CACNA2D1: variants seen among roughly 807,000 people sequenced by gnomAD.
CACNA2D1 encodes the protein calcium voltage-gated channel auxiliary subunit alpha2delta 1, also known as voltage-dependent calcium channel subunit alpha-2/delta-1.
Under a neutral mutation model 171.5 loss-of-function variants are expected in CACNA2D1, and 53 were observed. The ratio of observed to expected loss-of-function variants is 0.31; its 90% confidence interval spans 0.25 to 0.39. The LOEUF (loss-of-function observed/expected upper bound fraction) is 0.39, where lower values mean the gene tolerates loss of function less well. Ranked by LOEUF, CACNA2D1 falls within the 10% of genes least tolerant of loss-of-function variation. The pLI, the probability that CACNA2D1 is intolerant of heterozygous loss-of-function variation, is 1.00. For missense variants in CACNA2D1, 903 were observed against 1,299.8 expected, an observed-to-expected ratio of 0.69 and a Z score of 4.69; for synonymous variants, 442 against 443.1, an observed-to-expected ratio of 1.00 and a Z score of 0.03.
intron 3 of CACNA2D1, among the ~76,000 whole-genome samples, chr7:82,257,092 G>A (rs1398463789): frequency 6.6e-6 from 1 of 152,094 alleles, no homozygotes; most frequent in Non-Finnish European, 1.5e-5. Context: ...TGCTACACTG[G>A]CTTCATTTTT....
chr7:81,984,107 C>T (rs577079243), intron 22 of CACNA2D1, among the ~76,000 whole-genome samples: 6 of 152,026 alleles, frequency 3.9e-5, no homozygotes, highest in South Asian at 2.1e-4. Flanking sequence ...ATTTGGATTA[C>T]GAAAAGAAAG....
At chr7:82,300,736 T>C (rs982609869) in intron 3 of CACNA2D1, among the ~76,000 whole-genome samples, 4 of 152,152 alleles carry the variant, frequency 2.6e-5, no homozygotes, top group Admixed American at 6.5e-5. Context: ...AGAATTCAAA[T>C]CTAATCCACA....
chr7:82,130,791 CTTTT>C (rs71093363), intron 5 of CACNA2D1, among the ~76,000 whole-genome samples: 6 of 105,858 alleles, frequency 5.7e-5, no homozygotes, highest in African/African-American at 2.0e-4. Context: ...TTGTTTTTGT[CTTTT>C]TTTTTTTTTT....
intron 1 of CACNA2D1, among the ~76,000 whole-genome samples, chr7:82,388,561 G>A (rs564916074): frequency 6.6e-6 from 1 of 152,146 alleles, no homozygotes; most frequent in Non-Finnish European, 1.5e-5. Context: ...AGGGGGCAAA[G>A]GGCAAGCCAG....
intron 38 of CACNA2D1, among the ~76,000 whole-genome samples, chr7:81,953,848 ATATTCTCTTTGGCCCTTAT>A (rs1448960637): frequency 6.6e-6 from 1 of 152,052 alleles, no homozygotes; most frequent in Non-Finnish European, 1.5e-5. Context: ...GGAAAGAAAA[ATATTCTCTTTGGCCCTTAT>A]TTCACTGTTT....
chr7:82,009,889 C>G (rs1353441667), intron 15 of CACNA2D1, among the ~76,000 whole-genome samples: 1 of 152,050 alleles, frequency 6.6e-6, no homozygotes, highest in Non-Finnish European at 1.5e-5. Context: ...CTTGTCATAT[C>G]TCTTTTTATA....
intron 6 of CACNA2D1, among the ~76,000 whole-genome samples, chr7:82,086,719 A>C (rs1178660919): frequency 1.4e-4 from 21 of 152,118 alleles, no homozygotes; most frequent in Non-Finnish European, 1.3e-4. Context: ...AATCTATTCT[A>C]TCTCTTTAAT....
chr7:82,399,543 A>G (rs1015735424), intron 1 of CACNA2D1, among the ~76,000 whole-genome samples: 4 of 152,180 alleles, frequency 2.6e-5, no homozygotes, highest in African/African-American at 9.7e-5. Flanking sequence ...AACAATGATA[A>G]AACAATGATG....
chr7:82,140,829 C>T (rs1792280363), intron 4 of CACNA2D1, among the ~76,000 whole-genome samples: 1 of 151,622 alleles, frequency 6.6e-6, no homozygotes, highest in African/African-American at 2.4e-5. Context: ...GTGGCGGGCA[C>T]CTGTGGTCCC....
At chr7:82,048,423 T>G (rs1804801524) in intron 10 of CACNA2D1, among the ~76,000 whole-genome samples, 1 of 152,178 alleles carries the variant, frequency 6.6e-6, no homozygotes, top group South Asian at 2.1e-4. Flanking sequence ...TATTTTTATT[T>G]GAAGTTTAGA....
chr7:82,007,893 A>T, intron 15 of CACNA2D1, 137 bp from the exon 16 acceptor site: 1 of 643,320 alleles, frequency 1.6e-6, no homozygotes, highest in Non-Finnish European at 2.8e-6. Context: ...ACTCATTTTG[A>T]ATATCTATTA....
At chr7:82,164,274 G>T (rs964994157) in intron 4 of CACNA2D1, among the ~76,000 whole-genome samples, 26 of 151,882 alleles carry the variant, frequency 1.7e-4, no homozygotes, top group Admixed American at 7.2e-4. Flanking sequence ...CTAGACTATG[G>T]TTTTCTTAGT....
chr7:82,265,455 T>C (rs975027407), intron 3 of CACNA2D1, among the ~76,000 whole-genome samples: 2 of 150,080 alleles, frequency 1.3e-5, no homozygotes, highest in African/African-American at 4.9e-5. Context: ...GTATAATTTT[T>C]GTCCTTCTAT....
intron 9 of CACNA2D1, among the ~76,000 whole-genome samples, chr7:82,063,888 T>C (rs1317831922): frequency 6.6e-6 from 1 of 151,572 alleles, no homozygotes. Context: ...TTCTGAGACA[T>C]TGTCTCTTCA....
At chr7:82,380,558 T>C (rs953159219) in intron 1 of CACNA2D1, among the ~76,000 whole-genome samples, 36 of 152,136 alleles carry the variant, frequency 2.4e-4, no homozygotes, top group Admixed American at 1.9e-3. Flanking sequence ...CTCCATTCAA[T>C]AAGCATTTTG....
intron 4 of CACNA2D1, among the ~76,000 whole-genome samples, chr7:82,164,444 T>C (rs1221640322): frequency 1.3e-5 from 1 of 78,342 alleles, no homozygotes; most frequent in Non-Finnish European, 3.1e-5. Flanking sequence ...AAATCTAACA[T>C]TGGTTGATCA....
intron 21 of CACNA2D1, among the ~76,000 whole-genome samples, chr7:81,986,957 T>C (rs1797036905): frequency 6.6e-6 from 1 of 152,184 alleles, no homozygotes; most frequent in Admixed American, 6.5e-5. Context: ...CATTTATTGC[T>C]AAGAGAAACT....
intron 25 of CACNA2D1, among the ~76,000 whole-genome samples, chr7:81,972,335 C>G (rs1034565649): frequency 6.6e-6 from 1 of 151,652 alleles, no homozygotes; most frequent in Non-Finnish European, 1.5e-5. Context: ...TTACTGTCTA[C>G]TTTCACTTTC....
In CACNA2D1 at chr7:82,384,660, C is replaced by A. The variant is rs144512524; in HGVS notation, c.96-35011G>T. ...AGAAGAGGGAGGAAAAAAGAAAAAA[C>A]TTTTGTCTGGAAAGAACTTGTTTTA... On this transcript the variant is annotated intron_variant, in intron 1 of 38. Transcript: ENST00000356860. Among the ~76,000 whole-genome samples, 121 of 151,850 alleles carry A rather than the reference C, an allele frequency of 8.0e-4. 1 individual carries two copies. Among genetic ancestry groups the A allele is most frequent in the African/African-American group, 2.8e-3 (117 of 41,378 alleles).
Sources: allele counts gnomAD v4.1 joint callset (sites outside exome capture counted in the v4.1 genomes callset), GRCh38; gene constraint gnomAD v4.1.1; transcripts MANE v1.5; gene names NCBI Gene and HGNC (gene_info 2026-07-23, HGNC 2026-07-21).